LINGO2: variants seen among roughly 807,000 people sequenced by gnomAD.
LINGO2 encodes the protein leucine rich repeat and Ig domain containing 2, also known as leucine-rich repeat and immunoglobulin-like domain-containing nogo receptor-interacting protein 2.
In LINGO2, 14 loss-of-function variants were observed where a neutral mutation model predicts 30.6. The ratio of observed to expected loss-of-function variants is 0.46; its 90% CI spans 0.30 to 0.72. The LOEUF is 0.72. Among genes scored for constraint, LINGO2 ranks in the 30% least tolerant of loss-of-function variants. The pLI, the probability that LINGO2 is intolerant of heterozygous loss-of-function variation, is 0.07. For missense variants in LINGO2, 729 were observed against 751.7 expected, an observed-to-expected ratio of 0.97 and a Z score of 0.35; for synonymous variants, 317 against 288.5, an observed-to-expected ratio of 1.10 and a Z score of -1.00.
the LINGO2 span, among the ~76,000 whole-genome samples, chr9:28,678,271 T>A: frequency 5.3e-5 from 8 of 152,178 alleles, no homozygotes; most frequent in African/African-American, 1.9e-4. Context: ...CCATCTGTGC[T>A]GAAAGTTTCA....
chr9:28,781,892 C>A, the LINGO2 span, among the ~76,000 whole-genome samples: 1 of 152,140 alleles, frequency 6.6e-6, no homozygotes, highest in Non-Finnish European at 1.5e-5. Flanking sequence ...TGTGTTTAAA[C>A]TCAATTTATT....
chr9:28,654,913 G>A (rs1023443063), intron 1 of LINGO2, among the ~76,000 whole-genome samples: 1 of 152,062 alleles, frequency 6.6e-6, no homozygotes, highest in African/African-American at 2.4e-5. Flanking sequence ...TCATGATATC[G>A]TTAGGCACTT....
At chr9:28,749,623 A>G in the LINGO2 span, among the ~76,000 whole-genome samples, 1 of 152,038 alleles carries the variant, frequency 6.6e-6, no homozygotes, top group Non-Finnish European at 1.5e-5. Flanking sequence ...TCATAATAGT[A>G]TTTATGTTAT....
At chr9:28,128,311 G>T (rs1827294793) in intron 4 of LINGO2, among the ~76,000 whole-genome samples, 1 of 152,146 alleles carries the variant, frequency 6.6e-6, no homozygotes. Flanking sequence ...CTTCCCCTGG[G>T]TGAGGAAAAT....
intron 4 of LINGO2, among the ~76,000 whole-genome samples, chr9:28,104,266 G>GTT (rs74180789): frequency 0.018 from 1,778 of 97,318 alleles, 61 homozygotes; most frequent in African/African-American, 0.033. Flanking sequence ...TTTTTTGTTT[G>GTT]TTTTTTTTTT....
At chr9:28,744,105 TA>T in the LINGO2 span, among the ~76,000 whole-genome samples, 4,199 of 132,170 alleles carry the variant, frequency 0.032, 174 homozygotes, top group African/African-American at 0.079. Context: ...TATATATATA[TA>T]TATTTTTTTT....
the LINGO2 span, among the ~76,000 whole-genome samples, chr9:28,809,173 T>C: frequency 6.6e-6 from 1 of 152,232 alleles, no homozygotes; most frequent in Non-Finnish European, 1.5e-5. Flanking sequence ...ACAATTTATT[T>C]AGAGAACAGT....
chr9:27,975,469 T>C (rs1370607932), intron 5 of LINGO2, among the ~76,000 whole-genome samples: 1 of 152,130 alleles, frequency 6.6e-6, no homozygotes, highest in African/African-American at 2.4e-5. Flanking sequence ...TTTTCTATCA[T>C]GATCAATTTC....
At chr9:28,426,534 A>T (rs1823420331) in intron 2 of LINGO2, among the ~76,000 whole-genome samples, 1 of 152,090 alleles carries the variant, frequency 6.6e-6, no homozygotes, top group Admixed American at 6.6e-5. Flanking sequence ...CAATCAAAAC[A>T]TTGTTTGTTT....
At chr9:28,755,082 T>C in the LINGO2 span, among the ~76,000 whole-genome samples, 1 of 152,102 alleles carries the variant, frequency 6.6e-6, no homozygotes, top group Non-Finnish European at 1.5e-5. Flanking sequence ...CCATTGGAAA[T>C]ACCCATAGAC....
At chr9:29,013,390 G>GT in the LINGO2 span, among the ~76,000 whole-genome samples, 101,407 of 150,048 alleles carry the variant, frequency 0.68, 35,334 homozygotes, top group Non-Finnish European at 0.76. Flanking sequence ...TTTATTATGA[G>GT]TTTTTTTTTT....
chr9:28,784,820 C>T, the LINGO2 span, among the ~76,000 whole-genome samples: 123 of 151,962 alleles, frequency 8.1e-4, no homozygotes, highest in Non-Finnish European at 1.4e-3. Flanking sequence ...GGCGTGGTGG[C>T]GTGCACCTGT....
intron 4 of LINGO2, among the ~76,000 whole-genome samples, chr9:28,272,195 C>T (rs1448984963): frequency 6.6e-6 from 1 of 152,108 alleles, no homozygotes; most frequent in Non-Finnish European, 1.5e-5. Context: ...TGACCCCATG[C>T]TGTCCACACT....
At chr9:28,179,726 T>C (rs1828861115) in intron 4 of LINGO2, among the ~76,000 whole-genome samples, 1 of 146,502 alleles carries the variant, frequency 6.8e-6, no homozygotes, top group African/African-American at 2.5e-5. Context: ...AGAGTATATA[T>C]ATAGTATTTT....
the LINGO2 span, among the ~76,000 whole-genome samples, chr9:28,789,298 A>G: frequency 3.6e-3 from 545 of 152,324 alleles, 1 homozygote; most frequent in Non-Finnish European, 5.9e-3. Context: ...GTTGTTTGAT[A>G]AATAAATAAA....
At chr9:28,696,750 A>G in the LINGO2 span, among the ~76,000 whole-genome samples, 1 of 151,944 alleles carries the variant, frequency 6.6e-6, no homozygotes, top group Non-Finnish European at 1.5e-5. Flanking sequence ...CAAACATGTT[A>G]CATGGGTAGT....
chr9:29,037,295 T>C, the LINGO2 span, among the ~76,000 whole-genome samples: 5 of 151,912 alleles, frequency 3.3e-5, no homozygotes, highest in African/African-American at 1.2e-4. Flanking sequence ...AATTTTTCAG[T>C]GCCAAATAAT....
chr9:28,486,037 C>G (rs1280721429), intron 1 of LINGO2, among the ~76,000 whole-genome samples: 1 of 152,026 alleles, frequency 6.6e-6, no homozygotes, highest in Non-Finnish European at 1.5e-5. Flanking sequence ...CTTGGAATGA[C>G]TAACTTTTTG....
At chr9:28,799,885 C>G in the LINGO2 span, among the ~76,000 whole-genome samples, 20 of 151,988 alleles carry the variant, frequency 1.3e-4, no homozygotes, top group African/African-American at 4.3e-4. Context: ...CAAAAATTTC[C>G]TCCTAGAAAT....
Sources: allele counts gnomAD v4.1 joint callset (sites outside exome capture counted in the v4.1 genomes callset), GRCh38; gene constraint gnomAD v4.1.1; transcripts MANE v1.5; gene names NCBI Gene and HGNC (gene_info 2026-07-23, HGNC 2026-07-21).